CAMK1D: variants seen among roughly 807,000 people sequenced by gnomAD.
The protein encoded by CAMK1D is calcium/calmodulin dependent protein kinase ID.
Under a neutral mutation model 47.7 loss-of-function variants are expected in CAMK1D, and 9 were observed. That is an observed-to-expected ratio of 0.19 (90% CI 0.11 to 0.33). The LOEUF (loss-of-function observed/expected upper bound fraction) is 0.33, where lower values mean the gene tolerates loss of function less well. Ranked by LOEUF, CAMK1D falls within the 10% of genes least tolerant of loss-of-function variation. The pLI is 1.00. For missense variants in CAMK1D, 291 were observed against 488.7 expected (o/e 0.60, Z 3.81); for synonymous variants, 184 against 184.9 (o/e 0.99, Z 0.04).
At chr10:12,467,563 T>C (rs1027013586) in intron 1 of CAMK1D, among the ~76,000 whole-genome samples, 2 of 152,186 alleles carry the variant, frequency 1.3e-5, no homozygotes, top group African/African-American at 4.8e-5. Context: ...ATGCACTGAA[T>C]GTCAAAATAT....
intron 2 of CAMK1D, among the ~76,000 whole-genome samples, chr10:12,628,398 T>A (rs999736330): frequency 2.0e-5 from 3 of 152,228 alleles, no homozygotes; most frequent in Non-Finnish European, 2.9e-5. Context: ...GCTCACTGTG[T>A]GTGTGTCTAA....
chr10:12,530,036 T>C (rs2815644), intron 1 of CAMK1D, among the ~76,000 whole-genome samples: 95,911 of 152,094 alleles, frequency 0.63, 30,315 homozygotes, highest in South Asian at 0.74. Flanking sequence ...GTACGAAGCT[T>C]GATGATGTGC....
At position 12,488,615 on chromosome 10, in the gene CAMK1D, C is replaced by T. The variant is rs772173670; in HGVS notation, c.93-64610C>T. ...TTACATTGTAATATATAATATATAACGAGATAATTCTACAACTCACCATCA... is the reference window on the plus strand; with the variant it reads ...TTACATTGTAATATATAATATATAATGAGATAATTCTACAACTCACCATCA... On this transcript the variant is annotated intron_variant, in intron 1 of 10. Coordinates refer to ENST00000619168, the MANE Select transcript of CAMK1D (RefSeq NM_153498.4). 2.6e-5 allele frequency among the ~76,000 whole-genome samples: 4 copies of T among 152,074 alleles called. No individual in the cohort carries two copies. In the East Asian group the frequency reaches 5.8e-4, roughly 22 times the overall value.
At chr10:12,605,337 A>T (rs1231492757) in intron 2 of CAMK1D, among the ~76,000 whole-genome samples, 1 of 145,102 alleles carries the variant, frequency 6.9e-6, no homozygotes, top group South Asian at 2.3e-4. Flanking sequence ...AAACCATTCA[A>T]GTGTGTGTGT....
intron 2 of CAMK1D, among the ~76,000 whole-genome samples, chr10:12,623,243 TCCTTCC>T (rs1203832854): frequency 4.1e-3 from 18 of 4,352 alleles, no homozygotes; most frequent in East Asian, 0.024. Flanking sequence ...CTTCCTCCCT[TCCTTCC>T]TCCCTCCTTT....
chr10:12,701,107 C>CTTTTT (rs771965542), intron 3 of CAMK1D, among the ~76,000 whole-genome samples: 27 of 138,648 alleles, frequency 1.9e-4, no homozygotes, highest in African/African-American at 5.0e-4. Context: ...ATAGATTCTT[C>CTTTTT]TTTTTTTTTT....
At chr10:12,607,286 T>G (rs1432025183) in intron 2 of CAMK1D, among the ~76,000 whole-genome samples, 1 of 152,214 alleles carries the variant, frequency 6.6e-6, no homozygotes, top group Non-Finnish European at 1.5e-5. Flanking sequence ...AGTAGAAATT[T>G]ATCATCTGCA....
chr10:12,529,512 C>T (rs113518644), intron 1 of CAMK1D, among the ~76,000 whole-genome samples: 1,814 of 152,268 alleles, frequency 0.012, 19 homozygotes, highest in Non-Finnish European at 0.019. Context: ...GGCTACCCTC[C>T]TTATGAATCT....
intron 3 of CAMK1D, among the ~76,000 whole-genome samples, chr10:12,741,045 A>C (rs2130845319): frequency 6.6e-6 from 1 of 152,342 alleles, no homozygotes; most frequent in Non-Finnish European, 1.5e-5. Context: ...GAAGAGACTG[A>C]AAATGTTGAA....
intron 1 of CAMK1D, among the ~76,000 whole-genome samples, chr10:12,386,312 G>A (rs1362659147): frequency 6.6e-6 from 1 of 152,070 alleles, no homozygotes; most frequent in Non-Finnish European, 1.5e-5. Context: ...GGTGGTGTGT[G>A]CCTATGGTCC....
intron 1 of CAMK1D, among the ~76,000 whole-genome samples, chr10:12,468,570 A>G (rs374168039): frequency 4.6e-5 from 7 of 152,184 alleles, no homozygotes; most frequent in Admixed American, 3.3e-4. Flanking sequence ...CTGGAGTGGC[A>G]TGGCATGGAC....
intron 1 of CAMK1D, among the ~76,000 whole-genome samples, chr10:12,550,517 ATTG>A (rs1836543464): frequency 6.6e-6 from 1 of 152,110 alleles, no homozygotes; most frequent in Admixed American, 6.5e-5. Context: ...CGTCTCTGGA[ATTG>A]TTATGATTTG....
intron 3 of CAMK1D, among the ~76,000 whole-genome samples, chr10:12,759,227 T>G (rs1836382032): frequency 6.6e-6 from 1 of 152,194 alleles, no homozygotes; most frequent in African/African-American, 2.4e-5. Flanking sequence ...CACGTACCTG[T>G]GGTCCCAGCT....
At chr10:12,730,040 GC>G (rs1002523522) in intron 3 of CAMK1D, among the ~76,000 whole-genome samples, 2 of 152,208 alleles carry the variant, frequency 1.3e-5, no homozygotes, top group African/African-American at 4.8e-5. Context: ...GATCCCACTT[GC>G]GTTTGAACAG....
intron 2 of CAMK1D, among the ~76,000 whole-genome samples, chr10:12,556,398 G>T (rs1432614958): frequency 6.6e-6 from 1 of 152,194 alleles, no homozygotes; most frequent in Non-Finnish European, 1.5e-5. Context: ...CACTAAGTAC[G>T]TGCAGTGGCA....
chr10:12,558,415 G>T (rs867932437), intron 2 of CAMK1D, among the ~76,000 whole-genome samples: 2 of 152,138 alleles, frequency 1.3e-5, no homozygotes, highest in Non-Finnish European at 2.9e-5. Flanking sequence ...TTAGCTGAGC[G>T]TTGTGGCGCA....
At chr10:12,377,651 G>C (rs1159237767) in intron 1 of CAMK1D, among the ~76,000 whole-genome samples, 1 of 152,166 alleles carries the variant, frequency 6.6e-6, no homozygotes, top group Non-Finnish European at 1.5e-5. Context: ...TAAATAAGCT[G>C]TGTAATAAAG....
intron 2 of CAMK1D, among the ~76,000 whole-genome samples, chr10:12,641,665 C>A (rs1307535339): frequency 6.6e-6 from 1 of 151,700 alleles, no homozygotes; most frequent in African/African-American, 2.4e-5. Flanking sequence ...AAACTGATGA[C>A]AAAGTTTTGA....
At chr10:12,761,498 A>G (rs555121861) in intron 4 of CAMK1D, among the ~76,000 whole-genome samples, 24 of 152,298 alleles carry the variant, frequency 1.6e-4, no homozygotes, top group South Asian at 8.3e-4. Context: ...GAAAGAGAGC[A>G]GTGGTCAGAC....
Sources: allele counts gnomAD v4.1 joint callset (sites outside exome capture counted in the v4.1 genomes callset), GRCh38; gene constraint gnomAD v4.1.1; transcripts MANE v1.5; gene names NCBI Gene and HGNC (gene_info 2026-07-23, HGNC 2026-07-21).